CNOT9: variants seen among roughly 807,000 people sequenced by gnomAD.
CNOT9 encodes the protein CCR4-NOT transcription complex subunit 9.
CNOT9 carries 8 observed loss-of-function variants against 37.4 expected under a neutral mutation model. That is an observed-to-expected ratio of 0.21 (90% CI 0.13 to 0.39). CNOT9 has a LOEUF of 0.39. Among genes scored for constraint, CNOT9 ranks in the 10% least tolerant of loss-of-function variants. CNOT9 has a pLI of 1.00. For missense variants in CNOT9, 154 were observed against 365.3 expected (o/e 0.42, Z 4.71); for synonymous variants, 120 against 137.6 (o/e 0.87, Z 0.90).
chr2:218,582,468 A>G (rs1003228108), intron 2 of CNOT9, among the ~76,000 whole-genome samples: 7 of 152,250 alleles, frequency 4.6e-5, no homozygotes, highest in Admixed American at 2.0e-4. Flanking sequence ...AGACGGGCAG[A>G]TCACGAGGTC....
At chr2:218,582,904 C>G in intron 2 of CNOT9, 67 bp from the exon 3 acceptor site, 5 of 739,364 alleles carry the variant, frequency 6.8e-6, no homozygotes, top group East Asian at 2.9e-5. Flanking sequence ...TTTTTTTTTG[C>G]TTTATTACCA....
intron 4 of CNOT9, 68 bp downstream of exon 4, chr2:218,584,789 C>A: frequency 8.8e-7 from 1 of 1,140,572 alleles, no homozygotes; most frequent in South Asian, 1.2e-5. Flanking sequence ...GGTGTTTTGT[C>A]TTGCCGGTTA....
chr2:218,575,967 T>A (rs1417157637), intron 1 of CNOT9, among the ~76,000 whole-genome samples: 21 of 152,290 alleles, frequency 1.4e-4, no homozygotes, highest in Admixed American at 1.2e-3. Flanking sequence ...CGTTACAGAG[T>A]GGCATGAGGA....
Position 218,594,290 on chromosome 2 carries a change from C to T in CNOT9, c.*14C>T. On this transcript the variant is annotated 3_prime_UTR_variant, in exon 8 of 8. Coordinates refer to ENST00000273064, the MANE Select transcript of CNOT9 (RefSeq NM_005444.3). ...CCCCCTCAGTGATCCTTCCCTGTTC[C>T]CTCCCACTACTCCCCCAAGTTGGGG... 2.5e-6 allele frequency: 4 copies of T among 1,593,586 alleles called. No homozygotes were observed. In the South Asian group the frequency reaches 4.5e-5, roughly 18 times the overall value.
At chr2:218,581,383 G>A (rs1390769934) in intron 2 of CNOT9, among the ~76,000 whole-genome samples, 2 of 151,122 alleles carry the variant, frequency 1.3e-5, no homozygotes, top group African/African-American at 2.4e-5. Context: ...TGTTGGTCAG[G>A]CTGATCTTGA....
chr2:218,584,161 G>T (rs1191028549), intron 3 of CNOT9, among the ~76,000 whole-genome samples: 1 of 152,190 alleles, frequency 6.6e-6, no homozygotes, highest in South Asian at 2.1e-4. Context: ...TAATCAGTTT[G>T]TAAGGTACTT....
intron 2 of CNOT9, among the ~76,000 whole-genome samples, chr2:218,581,527 C>G (rs1234259715): frequency 6.6e-6 from 1 of 152,086 alleles, no homozygotes; most frequent in East Asian, 1.9e-4. Context: ...TACACTTGTA[C>G]ATTAAAGAAT....
At chr2:218,593,850 A>T in intron 7 of CNOT9, 1 of 1,214,370 alleles carries the variant, frequency 8.2e-7, no homozygotes, top group South Asian at 2.4e-5. Flanking sequence ...GAATGGAAGT[A>T]AACTATTGAA....
chr2:218,589,615 G>T (rs1207077516), intron 5 of CNOT9, among the ~76,000 whole-genome samples: 1 of 152,190 alleles, frequency 6.6e-6, no homozygotes, highest in East Asian at 1.9e-4. Context: ...GTACAAGCAT[G>T]AGCCACTGTG....
At position 218,592,904 on chromosome 2, in the gene CNOT9, T is replaced by G. The variant is rs1694827285; in HGVS notation, c.731+197T>G. ...GTAGCCATCAGTTTCATCTTCTCAC[T>G]GTAACTCTCCATCCTACTGTGAAAT... On this transcript the variant is annotated intron_variant, in intron 7 of 7. Coordinates refer to ENST00000273064, the MANE Select transcript of CNOT9 (RefSeq NM_005444.3). This position sits in a 1 kb window ranked among gnomAD's most constrained non-coding sequence, Gnocchi z 4.1. 3.4e-6 allele frequency: 2 copies of G among 580,708 alleles called. No homozygotes were observed. The highest frequency in any genetic ancestry group is 3.7e-5 in the African/African-American group (2 of 53,342). 36.0% of individuals were successfully genotyped at this position (580,708 alleles called of 1,614,324 possible).
intron 2 of CNOT9, chr2:218,581,242 C>A (rs1369948619): frequency 1.5e-5 from 3 of 205,506 alleles, no homozygotes; most frequent in South Asian, 5.9e-5. Context: ...AATCCCGGCT[C>A]ACTGCAACCT....
Position 218,592,167 on chromosome 2 carries a change from A to G in CNOT9, c.541-137A>G. The G allele has an allele frequency of 3.1e-6, 2 of 645,804 alleles. No homozygotes were observed. The highest frequency in any genetic ancestry group is 5.5e-6 in the Non-Finnish European group (2 of 362,286). 40.0% of individuals were successfully genotyped at this position (645,804 alleles called of 1,614,324 possible). ...TTATTCTTTGTACTATACATATATG[A>G]TAAAGTTGTACATAATATACAAGGA... On this transcript the variant is annotated intron_variant, in intron 5 of 7. Transcript: ENST00000273064. This position sits in a 1 kb window ranked among gnomAD's most constrained non-coding sequence, Gnocchi z 4.1.
At position 218,592,387 on chromosome 2, in the gene CNOT9, T is replaced by C. The variant is rs1694808328; in HGVS notation, c.624T>C (p.His208=). 6.2e-7 allele frequency: 1 copy of C among 1,613,498 alleles called. No homozygotes were observed. The part of the protein sequence containing the change: ...YICQTYERFS[H]VAMILGKMVL... ...GTCAGACGTATGAGCGTTTCTCCCA[T>C]GTTGCCATGATCTTGGTGAGTTCTT... Residue 208 remains histidine, a synonymous_variant, in exon 6 of 8, where the codon CAT becomes CAC. Transcript: ENST00000273064. This position sits in a 1 kb window ranked among gnomAD's most constrained non-coding sequence, Gnocchi z 4.1.
At chr2:218,571,574 CT>C (rs34894382) in intron 1 of CNOT9, among the ~76,000 whole-genome samples, 2,159 of 142,470 alleles carry the variant, frequency 0.015, 56 homozygotes, top group African/African-American at 0.05. Context: ...TTTTGTGATT[CT>C]TTTTTTTTTT....
chr2:218,582,644 C>T (rs746864483), intron 2 of CNOT9, among the ~76,000 whole-genome samples: 12 of 151,818 alleles, frequency 7.9e-5, no homozygotes, highest in East Asian at 1.9e-4. Flanking sequence ...GAGTCAAGAT[C>T]GTGCCACTGC....
chr2:218,579,210 C>G (rs1260465365), intron 1 of CNOT9, among the ~76,000 whole-genome samples: 3 of 152,172 alleles, frequency 2.0e-5, no homozygotes, highest in South Asian at 4.1e-4. Context: ...TGTAAATCCC[C>G]AACCTTAGAG....
At chr2:218,569,127 T>C in intron 1 of CNOT9, 149 bp downstream of exon 1, 1 of 837,282 alleles carries the variant, frequency 1.2e-6, no homozygotes, top group South Asian at 1.8e-5. Context: ...TCGGCACGCT[T>C]TGGTTGTGGT....
rs556532272 is a variant in CNOT9, at chr2:218,573,041, C to T, written c.24+4063C>T. On this transcript the variant is annotated intron_variant, in intron 1 of 7. Transcript: ENST00000273064. ...TATTTTGAAAAAATACATTCTGGGC[C>T]GGGCATGGTGGCTCATGCCTGTAAT... Among the ~76,000 whole-genome samples the T allele has an allele frequency of 1.4e-4, 22 of 152,086 alleles. 1 individual carries two copies. The East Asian group carries it at 4.1e-3, about 28-fold the overall frequency.
rs1446164844 is a variant in CNOT9, at chr2:218,594,486, G to C, written c.*210G>C. The C allele has an allele frequency of 3.5e-6, 2 of 568,368 alleles. No homozygotes were observed. Among genetic ancestry groups the C allele is most frequent in the East Asian group, 6.0e-5 (2 of 33,320 alleles). 35.2% of individuals were successfully genotyped at this position (568,368 alleles called of 1,614,324 possible). On this transcript the variant is annotated 3_prime_UTR_variant, in exon 8 of 8. Coordinates refer to ENST00000273064, the MANE Select transcript of CNOT9 (RefSeq NM_005444.3). ...CCTGGGCTCCCTCTGCTACTCCCAG[G>C]AAATGGGCTCCTGACACAGCAGTCT...
Sources: gnomAD v4.1 joint callset for allele counts (sites outside exome capture counted in the v4.1 genomes callset) on GRCh38, gnomAD v4.1.1 for gene constraint, Gnocchi (gnomAD v3.1) non-coding constraint, MANE v1.5 for transcripts, NCBI Gene and HGNC (gene_info 2026-07-23, HGNC 2026-07-21) for gene names.